SLC4A10: variants seen among roughly 807,000 people sequenced by gnomAD.
The protein encoded by SLC4A10 is solute carrier family 4 member 10, also known as sodium-driven chloride bicarbonate exchanger.
Under a neutral mutation model 137.7 loss-of-function variants are expected in SLC4A10, and 42 were observed. That is an observed-to-expected ratio of 0.30 (90% CI 0.24 to 0.39). SLC4A10 has a LOEUF of 0.39. Among genes scored for constraint, SLC4A10 ranks in the 10% least tolerant of loss-of-function variants. The pLI, the probability that SLC4A10 is intolerant of heterozygous loss-of-function variation, is 1.00. For missense variants in SLC4A10, 925 were observed against 1,355.0 expected, an observed-to-expected ratio of 0.68 and a Z score of 4.98; for synonymous variants, 474 against 464.1, an observed-to-expected ratio of 1.02 and a Z score of -0.27.
Position 161,624,451 on chromosome 2 carries a change from G to T in SLC4A10, c.-68G>T. Reference sequence around the variant, plus strand: ...GATCCGAATACTAAGCAGAGCGAGTGCCGGGCTGAGTGTAAGACACTGAAG... The same window carrying T: ...GATCCGAATACTAAGCAGAGCGAGTTCCGGGCTGAGTGTAAGACACTGAAG... On this transcript the variant is annotated 5_prime_UTR_variant, in exon 1 of 27. Transcript: ENST00000446997. 1 of 1,549,982 alleles carries T rather than the reference G, an allele frequency of 6.5e-7. No individual in the cohort carries two copies. The highest frequency in any genetic ancestry group is 8.7e-7 in the Non-Finnish European group (1 of 1,145,844).
rs1305300252 is a variant in SLC4A10 at position 161,872,346 on chromosome 2, G to A, written c.820G>A (p.Asp274Asn). ...TCCAGCCTGTGTTGAAAATAAAAAT[G>A]ATGTTAGCAGAGAAAACAGCACTGT... is the stretch of plus-strand genomic sequence containing the variant. Reference protein sequence around the residue: ...SAPACVENKNDVSRENSTVDF... With the variant: ...SAPACVENKNNVSRENSTVDF... The change falls in exon 7 of 27, where the codon GAT (aspartate) becomes AAT (asparagine). Residue 274 changes from aspartate to asparagine, a missense_variant. Physicochemically the swap from Asp to Asn is conservative, Grantham distance 23. This residue lies in a region of SLC4A10 where 277 missense variants were observed against 306.1 expected (regional missense o/e 0.90). Transcript: ENST00000446997. The A allele has an allele frequency of 1.9e-6, 3 of 1,613,624 alleles. No homozygotes were observed. Among genetic ancestry groups the A allele is most frequent in the Non-Finnish European group, 1.7e-6 (2 of 1,179,718 alleles).
chr2:161,787,435 T>C (rs2053749876), intron 2 of SLC4A10, among the ~76,000 whole-genome samples: 1 of 152,172 alleles, frequency 6.6e-6, no homozygotes, highest in Non-Finnish European at 1.5e-5. Context: ...GCAAGTGTTT[T>C]CTGAATTTCT....
At chr2:161,879,463 C>G (rs969045386) in intron 9 of SLC4A10, among the ~76,000 whole-genome samples, 175 bp downstream of exon 9, 2 of 151,330 alleles carry the variant, frequency 1.3e-5, no homozygotes, top group Non-Finnish European at 2.9e-5. Flanking sequence ...AAAAATTATT[C>G]TCTTCTTTCC....
chr2:161,696,572 T>G (rs2042537226), intron 1 of SLC4A10, among the ~76,000 whole-genome samples: 1 of 150,640 alleles, frequency 6.6e-6, no homozygotes, highest in Non-Finnish European at 1.5e-5. Context: ...TTTTTGTTCT[T>G]GCAATAGTTT....
intron 1 of SLC4A10, among the ~76,000 whole-genome samples, chr2:161,726,347 T>C (rs1440247596): frequency 6.6e-6 from 1 of 152,094 alleles, no homozygotes; most frequent in Non-Finnish European, 1.5e-5. Context: ...TAATACAACA[T>C]ACACAGCTAC....
At chr2:161,826,007 A>G (rs1003815040) in intron 3 of SLC4A10, among the ~76,000 whole-genome samples, 11 of 152,224 alleles carry the variant, frequency 7.2e-5, no homozygotes, top group African/African-American at 2.7e-4. Flanking sequence ...CATTTTACCA[A>G]TCTATTACCC....
intron 10 of SLC4A10, among the ~76,000 whole-genome samples, chr2:161,889,416 C>CT (rs1416462206): frequency 6.6e-6 from 1 of 151,960 alleles, no homozygotes; most frequent in Non-Finnish European, 1.5e-5. Context: ...TGGTGCTGGG[C>CT]TTTTTTTGGT....
At chr2:161,977,671 C>A (rs1487630931) in intron 25 of SLC4A10, 51 bp from the exon 26 acceptor site, 9 of 1,517,320 alleles carry the variant, frequency 5.9e-6, no homozygotes, top group Non-Finnish European at 8.1e-6. Flanking sequence ...ATTTTCGTAA[C>A]CTTAAATTAA....
chr2:161,645,780 G>A (rs979562227), intron 1 of SLC4A10, among the ~76,000 whole-genome samples: 1 of 151,996 alleles, frequency 6.6e-6, no homozygotes, highest in South Asian at 2.1e-4. Flanking sequence ...ATAAATCTGA[G>A]AGCCAGTCAA....
chr2:161,715,749 C>G (rs1179619548), intron 1 of SLC4A10, among the ~76,000 whole-genome samples: 2 of 152,062 alleles, frequency 1.3e-5, no homozygotes, highest in East Asian at 3.8e-4. Flanking sequence ...CATTGATGGG[C>G]ATTTGGGTTG....
chr2:161,699,270 T>G (rs2042887270), intron 1 of SLC4A10, among the ~76,000 whole-genome samples: 3 of 152,186 alleles, frequency 2.0e-5, no homozygotes, highest in Admixed American at 6.5e-5. Context: ...TCTGTCGGCC[T>G]CGGCCTCCCA....
Position 161,862,982 on chromosome 2 carries a change from T to C in SLC4A10, c.686T>C (p.Leu229Pro). Residue 229 changes from leucine (L) to proline (P), a missense_variant, in exon 6 of 27, where the codon CTC becomes CCC. Physicochemically the swap from Leu to Pro is moderately conservative, Grantham distance 98. This residue lies in a region of SLC4A10 where 277 missense variants were observed against 306.1 expected (regional missense o/e 0.90). Coordinates refer to ENST00000446997, the MANE Select transcript of SLC4A10 (RefSeq NM_001178015.2). ...CATCATCATCAGAATCAGAAAAAAC[T>C]CACCAACAGGATTCCCATTGTTCGT... ...KQHHHQNQKK[L>P]TNRIPIVRSF... 6.2e-7 allele frequency: 1 copy of C among 1,613,922 alleles called. No individual in the cohort carries two copies. The highest frequency in any genetic ancestry group is 8.5e-7 in the Non-Finnish European group (1 of 1,179,872).
At chr2:161,674,651 A>G (rs2389425) in intron 1 of SLC4A10, among the ~76,000 whole-genome samples, 140,608 of 152,262 alleles carry the variant, frequency 0.92, 64,968 homozygotes, top group East Asian at 1. Context: ...TGGCACTGGG[A>G]TCAAGAGAAG....
intron 15 of SLC4A10, among the ~76,000 whole-genome samples, chr2:161,907,528 G>A (rs1684724427): frequency 6.6e-6 from 1 of 152,176 alleles, no homozygotes; most frequent in Non-Finnish European, 1.5e-5. Flanking sequence ...AGTTTAGTAG[G>A]GAATGTAGAT....
At chr2:161,646,392 G>T (rs2036032101) in intron 1 of SLC4A10, among the ~76,000 whole-genome samples, 2 of 151,992 alleles carry the variant, frequency 1.3e-5, no homozygotes, top group African/African-American at 2.4e-5. Context: ...TAAAGGGATG[G>T]TTGCTAAAAA....
chr2:161,782,668 G>A (rs1220134428), intron 2 of SLC4A10, among the ~76,000 whole-genome samples: 1 of 149,566 alleles, frequency 6.7e-6, no homozygotes, highest in African/African-American at 2.5e-5. Context: ...TACCAAACAG[G>A]AATCATGAAG....
In SLC4A10 at chr2:161,976,878, T is replaced by C; in HGVS notation, c.3344+2T>C. ...GGAGTCAAGCTTTCCTTCCAAAAGG[T>C]TTGGATTTTAAAATAATGAGAATTT... On this transcript the variant is annotated splice_donor_variant, in intron 25 of 26. Transcript: ENST00000446997. LOFTEE classifies it high-confidence loss of function. 2.0e-6 allele frequency: 3 copies of C among 1,529,694 alleles called. No individual in the cohort carries two copies. Among genetic ancestry groups the C allele is most frequent in the Non-Finnish European group, 1.8e-6 (2 of 1,127,432 alleles). 94.8% of individuals were successfully genotyped at this position (1,529,694 alleles called of 1,614,324 possible).
chr2:161,965,399 G>A (rs1237313536), intron 23 of SLC4A10, among the ~76,000 whole-genome samples: 1 of 152,042 alleles, frequency 6.6e-6, no homozygotes, highest in South Asian at 2.1e-4. Context: ...AATGAAATAT[G>A]GAAATACTTT....
chr2:161,717,668 T>C (rs2125096858), intron 1 of SLC4A10, among the ~76,000 whole-genome samples: 1 of 152,274 alleles, frequency 6.6e-6, no homozygotes, highest in South Asian at 2.1e-4. Flanking sequence ...GATAAGCTTT[T>C]TGATGTGCTG....
Sources: gnomAD v4.1 joint callset for allele counts (sites outside exome capture counted in the v4.1 genomes callset) on GRCh38, gnomAD v4.1.1 for gene constraint, gnomAD v4.1.1 regional missense constraint, MANE v1.5 for transcripts, NCBI Gene and HGNC (gene_info 2026-07-23, HGNC 2026-07-21) for gene names.